The following DAB1 variants were observed in gnomAD, a reference collection of about 807,000 sequenced individuals.
DAB1 encodes DAB adaptor protein 1.
DAB1 carries 15 observed loss-of-function variants against 64.6 expected under a neutral mutation model. The observed-to-expected ratio is 0.23, with a 90% CI of 0.16 to 0.36. DAB1 has a LOEUF of 0.36. Ranked by LOEUF, DAB1 falls within the 10% of genes least tolerant of loss-of-function variation. DAB1 has a pLI of 1.00. For synonymous variants in DAB1, 235 were observed against 251.9 expected (o/e 0.93, Z 0.64); for missense variants, 596 against 706.7 (o/e 0.84, Z 1.78).
At chr1:58,126,958 A>C (rs891006839) in intron 5 of DAB1, among the ~76,000 whole-genome samples, 6 of 148,154 alleles carry the variant, frequency 4.0e-5, no homozygotes, top group South Asian at 2.2e-4. Context: ...ATTTATAGTC[A>C]TTTGGGTATA....
chr1:58,021,904 G>A (rs1188777147), intron 5 of DAB1, among the ~76,000 whole-genome samples: 1 of 152,194 alleles, frequency 6.6e-6, no homozygotes, highest in Non-Finnish European at 1.5e-5. Flanking sequence ...GTGTTCAGAA[G>A]CAGAAGGGGG....
chr1:57,231,216 T>C (rs568771419), intron 2 of DAB1, among the ~76,000 whole-genome samples: 2 of 152,330 alleles, frequency 1.3e-5, no homozygotes, highest in Admixed American at 6.5e-5. Context: ...AAAATTAGAT[T>C]GAGCATAAGT....
chr1:57,985,948 G>A (rs192684360), intron 5 of DAB1, among the ~76,000 whole-genome samples: 5 of 152,290 alleles, frequency 3.3e-5, no homozygotes, highest in Admixed American at 2.0e-4. Context: ...ACAGCCCTAT[G>A]AGATAGGTAT....
intron 8 of DAB1, among the ~76,000 whole-genome samples, chr1:57,065,910 T>C (rs1036533243): frequency 6.6e-6 from 1 of 152,030 alleles, no homozygotes; most frequent in Admixed American, 6.6e-5. Context: ...ACGCATGTGA[T>C]TTCCCAGTGT....
intron 2 of DAB1, among the ~76,000 whole-genome samples, chr1:57,191,848 G>A (rs1664148095): frequency 6.6e-6 from 1 of 152,088 alleles, no homozygotes; most frequent in African/African-American, 2.4e-5. Flanking sequence ...CCTAATCACA[G>A]TATGTAGATG....
At chr1:58,428,017 A>T (rs1277248941) in intron 3 of DAB1, among the ~76,000 whole-genome samples, 2 of 152,254 alleles carry the variant, frequency 1.3e-5, no homozygotes, top group African/African-American at 4.8e-5. Context: ...GAATAAACTC[A>T]TTATTCAAAA....
intron 5 of DAB1, among the ~76,000 whole-genome samples, chr1:57,893,248 C>T (rs971646797): frequency 5.9e-5 from 9 of 152,102 alleles, no homozygotes; most frequent in South Asian, 2.1e-4. Flanking sequence ...CTTTCCTGTT[C>T]AGGAGCCTGA....
intron 6 of DAB1, among the ~76,000 whole-genome samples, chr1:57,744,232 A>C (rs1648152010): frequency 6.6e-6 from 1 of 152,220 alleles, no homozygotes; most frequent in Non-Finnish European, 1.5e-5. Context: ...TTAGAATGAT[A>C]ATTGGTGAAC....
At chr1:58,142,681 T>C (rs997350681) in intron 5 of DAB1, among the ~76,000 whole-genome samples, 1 of 152,254 alleles carries the variant, frequency 6.6e-6, no homozygotes, top group Admixed American at 6.5e-5. Flanking sequence ...TAACCTTCTA[T>C]ATTTCACAGA....
intron 7 of DAB1, among the ~76,000 whole-genome samples, chr1:57,511,069 A>C (rs1324966002): frequency 6.6e-6 from 1 of 152,162 alleles, no homozygotes; most frequent in African/African-American, 2.4e-5. Context: ...CCCTCTTAAA[A>C]GCAAACCAAA....
intron 2 of DAB1, among the ~76,000 whole-genome samples, chr1:57,194,176 C>G (rs1224998159): frequency 6.6e-6 from 1 of 152,150 alleles, no homozygotes; most frequent in Non-Finnish European, 1.5e-5. Flanking sequence ...TTGCTGAACC[C>G]CACACCCAGA....
At chr1:57,377,269 TAAAA>T (rs745487315) in intron 1 of DAB1, among the ~76,000 whole-genome samples, 1 of 137,216 alleles carries the variant, frequency 7.3e-6, no homozygotes, top group Non-Finnish European at 1.6e-5. Flanking sequence ...GACTCCATCT[TAAAA>T]AAAAAAAAAA....
intron 5 of DAB1, among the ~76,000 whole-genome samples, chr1:57,906,669 T>C (rs968468976): frequency 1.3e-5 from 2 of 152,084 alleles, no homozygotes; most frequent in Admixed American, 6.6e-5. Context: ...GTAATTATAT[T>C]GATGGACCAT....
intron 7 of DAB1, among the ~76,000 whole-genome samples, chr1:57,433,510 C>G (rs545320032): frequency 1.3e-5 from 2 of 152,098 alleles, no homozygotes; most frequent in South Asian, 4.1e-4. Flanking sequence ...AGTTCTTCCT[C>G]ATATGTATAT....
chr1:57,388,505 TCCAGCCGCATGTG>T (rs1682074133), intron 1 of DAB1, among the ~76,000 whole-genome samples: 1 of 152,150 alleles, frequency 6.6e-6, no homozygotes, highest in South Asian at 2.1e-4. Flanking sequence ...CTCCTTTCTG[TCCAGCCGCATGTG>T]CCTGCCCCCA....
intron 6 of DAB1, among the ~76,000 whole-genome samples, chr1:57,729,964 A>T (rs1647340068): frequency 6.6e-6 from 1 of 152,242 alleles, no homozygotes; most frequent in Non-Finnish European, 1.5e-5. Flanking sequence ...CAAAACAGAG[A>T]CACAGCACAG....
intron 7 of DAB1, among the ~76,000 whole-genome samples, chr1:57,646,188 A>G (rs1305644748): frequency 6.6e-6 from 1 of 152,254 alleles, no homozygotes; most frequent in Non-Finnish European, 1.5e-5. Context: ...TGAATAACCA[A>G]TAGCTCAATT....
At chr1:57,151,967 C>A (rs1022089699) in intron 2 of DAB1, among the ~76,000 whole-genome samples, 3 of 151,994 alleles carry the variant, frequency 2.0e-5, no homozygotes, top group Non-Finnish European at 2.9e-5. Context: ...GTGCCCGCCA[C>A]CATGCCCGGC....
At chr1:58,145,548 C>T (rs1409589362) in intron 5 of DAB1, among the ~76,000 whole-genome samples, 1 of 152,210 alleles carries the variant, frequency 6.6e-6, no homozygotes, top group Non-Finnish European at 1.5e-5. Context: ...ACTGGCATCA[C>T]ATGAAGGCAT....
Sources: gnomAD v4.1 joint callset for allele counts (sites outside exome capture counted in the v4.1 genomes callset) on GRCh38, gnomAD v4.1.1 for gene constraint, MANE v1.5 for transcripts, NCBI Gene and HGNC (gene_info 2026-07-23, HGNC 2026-07-21) for gene names.